YWHAZ: variants seen among roughly 807,000 people sequenced by gnomAD.
YWHAZ encodes the protein tyrosine 3-monooxygenase/tryptophan 5-monooxygenase activation protein zeta, also known as 14-3-3 protein zeta/delta.
For synonymous variants in YWHAZ, 87 were observed against 103.6 expected, an observed-to-expected ratio of 0.84 and a Z score of 0.97; for missense variants, 79 against 284.8, an observed-to-expected ratio of 0.28 and a Z score of 5.20.
Position 100,948,169 on chromosome 8 carries a change from T to C in YWHAZ, c.294+427A>G, listed in dbSNP as rs949362544. ...ATTACATTAACATTATAGCGGCTAA[T>C]CCTGAGAAGAGTACTATTTCTACAA... On this transcript the variant is annotated intron_variant, in intron 2 of 5. Transcript: ENST00000395958. The surrounding 1 kb of genome is among the most constrained non-coding windows in gnomAD (Gnocchi z 4.2). The C allele has an allele frequency of 2.6e-5, 40 of 1,525,560 alleles. No individual in the cohort carries two copies. Among genetic ancestry groups the C allele is most frequent in the Non-Finnish European group, 3.3e-5 (38 of 1,142,300 alleles). 94.5% of individuals were successfully genotyped at this position (1,525,560 alleles called of 1,614,324 possible).
At chr8:100,943,989 AAAAAAAAAGAAAAAAG>A (rs1344393186) in intron 2 of YWHAZ, among the ~76,000 whole-genome samples, 4 of 150,340 alleles carry the variant, frequency 2.7e-5, no homozygotes, top group Non-Finnish European at 3.0e-5. Context: ...TCCGTCTCAA[AAAAAAAAAGAAAAAAG>A]AAAAAAAGAA....
intron 1 of YWHAZ, chr8:100,951,075 A>T: frequency 3.7e-6 from 3 of 810,414 alleles, no homozygotes; most frequent in Non-Finnish European, 4.5e-6. Context: ...GGAGCAAAAA[A>T]AGTCAGACCC....
At chr8:100,930,577 A>G (rs1813694688) in intron 2 of YWHAZ, among the ~76,000 whole-genome samples, 1 of 152,238 alleles carries the variant, frequency 6.6e-6, no homozygotes, top group Admixed American at 6.5e-5. Context: ...AATCTTCCTG[A>G]AATATAATCT....
At chr8:100,951,704 G>C in intron 1 of YWHAZ, 1 of 985,426 alleles carries the variant, frequency 1.0e-6, no homozygotes, top group Non-Finnish European at 1.2e-6. Flanking sequence ...ATCGGCGCCG[G>C]GGCGTCGATG....
At chr8:100,940,270 T>C (rs1814544648) in intron 2 of YWHAZ, among the ~76,000 whole-genome samples, 1 of 152,174 alleles carries the variant, frequency 6.6e-6, no homozygotes, top group South Asian at 2.1e-4. Flanking sequence ...CGATGCTTTT[T>C]GTTGTTGGTG....
At chr8:100,940,098 T>C (rs1814529355) in intron 2 of YWHAZ, among the ~76,000 whole-genome samples, 1 of 144,696 alleles carries the variant, frequency 6.9e-6, no homozygotes, top group Non-Finnish European at 1.5e-5. Context: ...CTAACAAGTA[T>C]CAAAAAGAAC....
At chr8:100,923,933 A>G in intron 5 of YWHAZ, 22 bp downstream of exon 5, 2 of 1,581,532 alleles carry the variant, frequency 1.3e-6, no homozygotes, top group Non-Finnish European at 8.6e-7. Flanking sequence ...ATTCATCACT[A>G]ATGATGCTGT....
chr8:100,947,253 C>CAA (rs1185334118), intron 2 of YWHAZ, among the ~76,000 whole-genome samples: 120 of 83,654 alleles, frequency 1.4e-3, no homozygotes, highest in African/African-American at 2.8e-3. Flanking sequence ...GACTCCGTCT[C>CAA]AAAAAAAAAA....
At chr8:100,934,512 C>G (rs1813997226) in intron 2 of YWHAZ, among the ~76,000 whole-genome samples, 1 of 151,914 alleles carries the variant, frequency 6.6e-6, no homozygotes, top group African/African-American at 2.4e-5. Context: ...ACCAGCCTGG[C>G]TAACATGGCG....
intron 1 of YWHAZ, 121 bp downstream of exon 1, chr8:100,951,808 A>C: frequency 1.0e-6 from 1 of 985,186 alleles, no homozygotes; most frequent in Non-Finnish European, 1.2e-6. Context: ...ACTCCGCCTC[A>C]GCCCGGCGCC....
At chr8:100,944,683 C>T (rs17365982) in intron 2 of YWHAZ, among the ~76,000 whole-genome samples, 6,050 of 152,140 alleles carry the variant, frequency 0.04, 147 homozygotes, top group Non-Finnish European at 0.057. Context: ...GTTAAGAGAC[C>T]CCTGCACTAT....
At chr8:100,950,425 A>G (rs1451472758) in intron 1 of YWHAZ, 2 of 985,418 alleles carry the variant, frequency 2.0e-6, no homozygotes, top group African/African-American at 3.5e-5. Context: ...GACGTCGGTT[A>G]CTGTGAAACG....
intron 5 of YWHAZ, among the ~76,000 whole-genome samples, chr8:100,921,463 T>C (rs752345132): frequency 7.9e-5 from 12 of 152,156 alleles, no homozygotes; most frequent in Non-Finnish European, 1.6e-4. Flanking sequence ...GGAGCTAGGG[T>C]TGACTACTCT....
rs1197923788 is a variant in YWHAZ at position 100,950,667 on chromosome 8, G to GT, written c.-12+1261_-12+1262insA. ...CCCCCGCCCAAGCCGTGGGGGGGGG[G>GT]GAGAGATGGGGAGCGAAGCCGCCCG... On this transcript the variant is annotated intron_variant, in intron 1 of 5. Coordinates refer to ENST00000395958, the MANE Select transcript of YWHAZ (RefSeq NM_145690.3). 7.9e-6 allele frequency: 7 copies of GT among 887,920 alleles called. No homozygotes were observed. In the African/African-American group the frequency reaches 9.2e-5, roughly 12 times the overall value. The allele number at this position is 887,920 out of a possible 1,614,324, so 55.0% of individuals were successfully genotyped here. A position where few individuals can be genotyped will look rare whatever the true frequency, so the allele number is the denominator to read the frequency against.
At chr8:100,952,908 G>A (rs1190912502), upstream of YWHAZ, 5 of 1,000,342 alleles carry the variant, frequency 5.0e-6, no homozygotes, top group Admixed American at 1.8e-4. Flanking sequence ...GGAGTGAGGC[G>A]TCCAGCCCCT....
intron 2 of YWHAZ, among the ~76,000 whole-genome samples, chr8:100,943,815 T>C (rs1289718751): frequency 6.6e-6 from 1 of 151,892 alleles, no homozygotes; most frequent in Non-Finnish European, 1.5e-5. Context: ...TGAAACCCCA[T>C]CTCTACTAAA....
rs1025190009 is a variant in YWHAZ, at chr8:100,920,061, T to C, written c.*632A>G. Reference sequence around the variant, plus strand: ...ACAAATAAAATGAGTGTAGCAAAAATAATGAAAGCTAACAGCAGGTAACTT... The same window carrying C: ...ACAAATAAAATGAGTGTAGCAAAAACAATGAAAGCTAACAGCAGGTAACTT... On this transcript the variant is annotated 3_prime_UTR_variant, in exon 6 of 6. Transcript: ENST00000395958. The C allele has an allele frequency of 1.3e-5, 2 of 152,586 alleles. No individual in the cohort carries two copies. Among genetic ancestry groups the C allele is most frequent in the Non-Finnish European group, 2.9e-5 (2 of 68,032 alleles). The allele number at this position is 152,586 out of a possible 1,614,324, so 9.5% of individuals were successfully genotyped here. A position where few individuals can be genotyped will look rare whatever the true frequency, so the allele number is the denominator to read the frequency against.
chr8:100,916,803 T>TAG lies in YWHAZ; in HGVS notation c.*3889_*3890insCT, dbSNP rs1812729923. The TAG allele has an allele frequency of 6.6e-6, 1 of 152,234 alleles. No individual in the cohort carries two copies. The highest frequency in any genetic ancestry group is 6.5e-5 in the Admixed American group (1 of 15,284). 9.4% of individuals were successfully genotyped at this position (152,234 alleles called of 1,614,324 possible). ...AGGTTGGACATCCTGTTACAATCTA[T>TAG]ATTCAGGTCTCTCCACTTTGAAAAG... On this transcript the variant is annotated 3_prime_UTR_variant, in exon 6 of 6. Transcript: ENST00000395958.
At position 100,918,350 on chromosome 8, in the gene YWHAZ, A is replaced by C. The variant is rs1443312760; in HGVS notation, c.*2343T>G. 2 of 102,314 alleles carry C rather than the reference A, an allele frequency of 2.0e-5. No homozygotes were observed. The highest frequency in any genetic ancestry group is 4.3e-5 in the Non-Finnish European group (2 of 46,320). The allele number at this position is 102,314 out of a possible 1,614,324, so 6.3% of individuals were successfully genotyped here. On this transcript the variant is annotated 3_prime_UTR_variant, in exon 6 of 6. Transcript: ENST00000395958. ...AGAGCAAGACTCTTGTCTCCAAAAA[A>C]AAAAAAAACAACAAAAAAATTCCCA...
Sources: gnomAD v4.1 joint callset for allele counts (sites outside exome capture counted in the v4.1 genomes callset) on GRCh38, gnomAD v4.1.1 for gene constraint, Gnocchi (gnomAD v3.1) non-coding constraint, MANE v1.5 for transcripts, NCBI Gene and HGNC (gene_info 2026-07-23, HGNC 2026-07-21) for gene names.